LPIN2: variants seen among roughly 807,000 people sequenced by gnomAD.
The protein encoded by LPIN2 is phosphatidate phosphatase LPIN2.
A neutral mutation model predicts 111.4 loss-of-function variants in LPIN2; 55 were observed. That is an observed-to-expected ratio of 0.49 (90% CI 0.40 to 0.62). The LOEUF (loss-of-function observed/expected upper bound fraction) is 0.62, where lower values mean the gene tolerates loss of function less well. LPIN2 is among the 20% of genes least tolerant of loss of function. The pLI, the probability that LPIN2 is intolerant of heterozygous loss-of-function variation, is 0.00. For missense variants in LPIN2, 992 were observed against 1,112.1 expected (o/e 0.89, Z 1.54); for synonymous variants, 425 against 414.0 (o/e 1.03, Z -0.32).
At chr18:2,987,559 T>C (rs905254698) in intron 1 of LPIN2, among the ~76,000 whole-genome samples, 3 of 152,184 alleles carry the variant, frequency 2.0e-5, no homozygotes, top group Admixed American at 6.5e-5. Flanking sequence ...CAATTTTCTC[T>C]TCCATAGCTG....
chr18:2,918,438 C>G lies in LPIN2; in HGVS notation c.*1855G>C, dbSNP rs946996482. ...TAAATAGAAGGTAGTCAAGAGGACA[C>G]ACAGATGGCATCTATGAAATAAGGT... On this transcript the variant is annotated 3_prime_UTR_variant, in exon 20 of 20. Coordinates refer to ENST00000677752, the MANE Select transcript of LPIN2 (RefSeq NM_001375808.2). 1 of 152,208 alleles carries G rather than the reference C, an allele frequency of 6.6e-6. No individual in the cohort carries two copies. The highest frequency in any genetic ancestry group is 2.4e-5 in the African/African-American group (1 of 41,440). 9.4% of individuals were successfully genotyped at this position (152,208 alleles called of 1,614,324 possible). A position where few individuals can be genotyped will look rare whatever the true frequency, so the allele number is the denominator to read the frequency against.
Position 2,982,225 on chromosome 18 carries a change from C to T in LPIN2, c.-9-21376G>A, listed in dbSNP as rs536783358. On this transcript the variant is annotated intron_variant, in intron 1 of 19. Coordinates refer to ENST00000677752, the MANE Select transcript of LPIN2 (RefSeq NM_001375808.2). ...GCCACTCTCATATATCCAAATACAACGTCAGCTTCAAAATATTAGTTTACC... is the reference window on the plus strand; with the variant it reads ...GCCACTCTCATATATCCAAATACAATGTCAGCTTCAAAATATTAGTTTACC... Among the ~76,000 whole-genome samples the T allele has an allele frequency of 7.2e-5, 11 of 152,270 alleles. No homozygotes were observed. The South Asian group carries it at 1.0e-3, about 14-fold the overall frequency.
intron 2 of LPIN2, among the ~76,000 whole-genome samples, chr18:2,955,417 T>C (rs2077595293): frequency 6.6e-6 from 1 of 151,814 alleles, no homozygotes; most frequent in African/African-American, 2.4e-5. Context: ...CACACACTTT[T>C]AAAACAATTG....
intron 5 of LPIN2, 22 bp from the exon 6 acceptor site, chr18:2,939,625 A>G (rs778877883): frequency 2.5e-6 from 4 of 1,611,334 alleles, no homozygotes. Flanking sequence ...ACAAAGACAC[A>G]CGATGACTTG....
chr18:3,004,728 A>G (rs770927593), intron 1 of LPIN2, among the ~76,000 whole-genome samples: 11 of 152,180 alleles, frequency 7.2e-5, no homozygotes, highest in African/African-American at 1.2e-4. Flanking sequence ...TCACCTTCCT[A>G]TCAGGATGAG....
At chr18:2,982,739 C>CA in intron 1 of LPIN2, 1 of 1,303,072 alleles carries the variant, frequency 7.7e-7, no homozygotes, top group African/African-American at 1.5e-5. Flanking sequence ...CAAACCACCT[C>CA]ATCTTCCTTG....
intron 6 of LPIN2, among the ~76,000 whole-genome samples, chr18:2,938,830 G>C (rs1028753288): frequency 1.3e-5 from 2 of 151,968 alleles, no homozygotes; most frequent in African/African-American, 4.8e-5. Flanking sequence ...TTATGAGCTG[G>C]AAAAAAAGGT....
chr18:2,990,282 T>C lies in LPIN2; in HGVS notation c.-10+22805A>G, dbSNP rs141876658. Among the ~76,000 whole-genome samples the C allele has an allele frequency of 2.1e-3, 313 of 152,290 alleles. 1 individual carries two copies. Among genetic ancestry groups the C allele is most frequent in the African/African-American group, 7.1e-3 (295 of 41,560 alleles). ...ATTCTCAGATATAACACCAAAAGCA[T>C]GAGTAACAAAAACTAGATAAATTGG... is the stretch of plus-strand genomic sequence containing the variant. On this transcript the variant is annotated intron_variant, in intron 1 of 19. Coordinates refer to ENST00000677752, the MANE Select transcript of LPIN2 (RefSeq NM_001375808.2).
intron 1 of LPIN2, among the ~76,000 whole-genome samples, chr18:2,997,297 GT>G (rs959046352): frequency 1.3e-5 from 2 of 150,358 alleles, no homozygotes; most frequent in Non-Finnish European, 3.0e-5. Flanking sequence ...TTTGTTTTTT[GT>G]TTTTTTTTAG....
rs778381907 is a variant in LPIN2, at chr18:2,920,260, G to C, written c.*33C>G. ...TGCCTTCCCTTGCTGTGGGGAGGGG[G>C]ACCAAGCCCTGCCCACCCACTGAGG... On this transcript the variant is annotated 3_prime_UTR_variant, in exon 20 of 20. Coordinates refer to ENST00000677752, the MANE Select transcript of LPIN2 (RefSeq NM_001375808.2). The C allele has an allele frequency of 1.6e-5, 26 of 1,613,568 alleles. No homozygotes were observed. The highest frequency in any genetic ancestry group is 2.1e-5 in the Non-Finnish European group (25 of 1,179,952).
chr18:2,987,752 T>C (rs113151115), intron 1 of LPIN2, among the ~76,000 whole-genome samples: 1 of 152,306 alleles, frequency 6.6e-6, no homozygotes, highest in Non-Finnish European at 1.5e-5. Context: ...CCTGCCACCT[T>C]CTTCCATCTA....
chr18:3,007,119 T>C (rs1567867741), intron 1 of LPIN2, among the ~76,000 whole-genome samples: 1 of 152,226 alleles, frequency 6.6e-6, no homozygotes, highest in Admixed American at 6.5e-5. Flanking sequence ...ATATGTAAAT[T>C]GACATTACAG....
intron 1 of LPIN2, among the ~76,000 whole-genome samples, chr18:3,006,288 C>G (rs1235880303): frequency 1.3e-5 from 2 of 152,192 alleles, no homozygotes; most frequent in Admixed American, 6.5e-5. Context: ...AGTGGATAGA[C>G]TAGATATTAA....
At chr18:2,982,903 C>A in intron 1 of LPIN2, 4 of 324,026 alleles carry the variant, frequency 1.2e-5, no homozygotes, top group South Asian at 2.5e-5. Context: ...GGAAATGGTT[C>A]TTAAAAAAAA....
chr18:2,983,347 G>C (rs1223293505), intron 1 of LPIN2, among the ~76,000 whole-genome samples: 1 of 152,144 alleles, frequency 6.6e-6, no homozygotes, highest in Non-Finnish European at 1.5e-5. Context: ...ATCCTGCTCA[G>C]TACTGTATAT....
intron 1 of LPIN2, among the ~76,000 whole-genome samples, chr18:2,989,575 A>C (rs1016421213): frequency 2.0e-5 from 3 of 151,550 alleles, no homozygotes; most frequent in Non-Finnish European, 4.4e-5. Flanking sequence ...AATAATACTG[A>C]AAAAGAGCTA....
At chr18:2,921,729 C>G in intron 17 of LPIN2, 82 bp from the exon 18 acceptor site, 1 of 948,536 alleles carries the variant, frequency 1.1e-6, no homozygotes, top group South Asian at 1.3e-5. Context: ...TTAGTGCTCA[C>G]AACCACCCAA....
At chr18:2,980,253 T>C (rs1314203381) in intron 1 of LPIN2, among the ~76,000 whole-genome samples, 5 of 152,234 alleles carry the variant, frequency 3.3e-5, no homozygotes, top group Admixed American at 3.3e-4. Context: ...TTGAGTTCTC[T>C]GGCTAATTAT....
At position 2,919,608 on chromosome 18, in the gene LPIN2, A is replaced by T. The variant is rs607549; in HGVS notation, c.*685T>A. 109,488 of 153,820 alleles carry T rather than the reference A, an allele frequency of 0.71. 39,049 individuals are homozygous for T. The highest frequency in any genetic ancestry group is 0.75 in the Non-Finnish European group (51,805 of 69,196). The allele number at this position is 153,820 out of a possible 1,614,324, so 9.5% of individuals were successfully genotyped here. A position where few individuals can be genotyped will look rare whatever the true frequency, so the allele number is the denominator to read the frequency against. Reference sequence around the variant, plus strand: ...TGTGAGACCTGTTCTTCTGGTGAGGACTAAGAAATTAAGGGCTCGTGGAGT... The same window carrying T: ...TGTGAGACCTGTTCTTCTGGTGAGGTCTAAGAAATTAAGGGCTCGTGGAGT... On this transcript the variant is annotated 3_prime_UTR_variant, in exon 20 of 20. Coordinates refer to ENST00000677752, the MANE Select transcript of LPIN2 (RefSeq NM_001375808.2).
Sources: gnomAD v4.1 joint callset for allele counts (sites outside exome capture counted in the v4.1 genomes callset) on GRCh38, gnomAD v4.1.1 for gene constraint, MANE v1.5 for transcripts, NCBI Gene and HGNC (gene_info 2026-07-23, HGNC 2026-07-21) for gene names.